The following MBOAT2 variants were observed in gnomAD, a reference collection of about 807,000 sequenced individuals.
The protein encoded by MBOAT2 is membrane-bound glycerophospholipid O-acyltransferase 2.
A neutral mutation model predicts 63.4 loss-of-function variants in MBOAT2; 28 were observed. That is an observed-to-expected ratio of 0.44 (90% CI 0.33 to 0.61). The LOEUF (loss-of-function observed/expected upper bound fraction) is 0.61. Among genes scored for constraint, MBOAT2 ranks in the 20% least tolerant of loss-of-function variants. MBOAT2 has a pLI of 0.03. For synonymous variants in MBOAT2, 211 were observed against 215.6 expected, an observed-to-expected ratio of 0.98 and a Z score of 0.19; for missense variants, 470 against 605.8, an observed-to-expected ratio of 0.78 and a Z score of 2.35.
intron 1 of MBOAT2, among the ~76,000 whole-genome samples, chr2:8,989,941 C>CA (rs1345727176): frequency 7.2e-5 from 11 of 152,206 alleles, no homozygotes; most frequent in African/African-American, 2.7e-4. Flanking sequence ...ACACTACACT[C>CA]TTGTGCACAC....
intron 1 of MBOAT2, among the ~76,000 whole-genome samples, chr2:8,983,900 AGAT>A (rs1212476934): frequency 6.6e-6 from 1 of 152,216 alleles, no homozygotes; most frequent in Non-Finnish European, 1.5e-5. Flanking sequence ...TTTCTGAAAA[AGAT>A]AATATAGGAA....
At chr2:8,993,433 G>A (rs1672050830) in intron 1 of MBOAT2, among the ~76,000 whole-genome samples, 1 of 152,240 alleles carries the variant, frequency 6.6e-6, no homozygotes, top group African/African-American at 2.4e-5. Flanking sequence ...CAGCTGCAGA[G>A]TGACCAGAAG....
At chr2:8,870,498 C>CA (rs1476958612) in intron 8 of MBOAT2, among the ~76,000 whole-genome samples, 2 of 152,052 alleles carry the variant, frequency 1.3e-5, no homozygotes, top group African/African-American at 4.8e-5. Flanking sequence ...TTGGACTTCC[C>CA]AAAAAACAGA....
At chr2:8,932,462 G>A (rs1439008364) in intron 3 of MBOAT2, among the ~76,000 whole-genome samples, 1 of 152,186 alleles carries the variant, frequency 6.6e-6, no homozygotes, top group East Asian at 1.9e-4. Context: ...AATGGTGCCT[G>A]CTACTCTTTG....
intron 5 of MBOAT2, 96 bp from the exon 6 acceptor site, chr2:8,882,661 CA>C: frequency 9.3e-7 from 1 of 1,076,666 alleles, no homozygotes; most frequent in Non-Finnish European, 1.4e-6. Context: ...ATTTGAAATT[CA>C]TGCTATTATA....
At chr2:8,906,575 C>T (rs958412984) in intron 4 of MBOAT2, among the ~76,000 whole-genome samples, 8 of 152,304 alleles carry the variant, frequency 5.3e-5, no homozygotes, top group South Asian at 4.1e-4. Context: ...ACTCTTATTA[C>T]GTTGAGCCAC....
chr2:8,987,026 A>G (rs1319608568), intron 1 of MBOAT2, among the ~76,000 whole-genome samples: 1 of 152,220 alleles, frequency 6.6e-6, no homozygotes, highest in Non-Finnish European at 1.5e-5. Context: ...CTTAACCTTA[A>G]GTAAAAACTA....
intron 7 of MBOAT2, among the ~76,000 whole-genome samples, chr2:8,875,604 T>C (rs1662647230): frequency 6.6e-6 from 1 of 152,356 alleles, no homozygotes; most frequent in African/African-American, 2.4e-5. Flanking sequence ...GCCGAAATGA[T>C]GAGCCAAACT....
At chr2:8,974,521 C>G in intron 1 of MBOAT2, 1 of 432,444 alleles carries the variant, frequency 2.3e-6, no homozygotes, top group South Asian at 1.6e-5. Flanking sequence ...ATTAACCAAT[C>G]CAGAAAGCAT....
chr2:8,898,207 T>C (rs1394181434), intron 4 of MBOAT2, among the ~76,000 whole-genome samples: 1 of 152,192 alleles, frequency 6.6e-6, no homozygotes, highest in Non-Finnish European at 1.5e-5. Context: ...GAGCTTGTAC[T>C]AGGGCCTGCT....
intron 4 of MBOAT2, among the ~76,000 whole-genome samples, chr2:8,895,638 C>T (rs1393700359): frequency 1.3e-5 from 2 of 152,222 alleles, no homozygotes; most frequent in Non-Finnish European, 2.9e-5. Flanking sequence ...CTCAATCCCC[C>T]CTCTAAACAG....
In MBOAT2 at chr2:8,992,568, T is replaced by C. The variant is rs192504630; in HGVS notation, c.75+10972A>G. Among the ~76,000 whole-genome samples, 585 of 151,572 alleles carry C rather than the reference T, an allele frequency of 3.9e-3. 2 individuals carry two copies. The highest frequency in any genetic ancestry group is 6.9e-3 in the Non-Finnish European group (465 of 67,428). ...TGTTTTGTTTGTACAAGCAGGGAGC[T>C]ATCTATTTTATTTTAACATATACCA... On this transcript the variant is annotated intron_variant, in intron 1 of 12. Coordinates refer to ENST00000305997, the MANE Select transcript of MBOAT2 (RefSeq NM_138799.4).
chr2:8,936,664 C>T (rs536548871), intron 3 of MBOAT2, among the ~76,000 whole-genome samples: 1 of 151,452 alleles, frequency 6.6e-6, no homozygotes, highest in South Asian at 2.1e-4. Flanking sequence ...TGCCTGTAAT[C>T]GCAGCTACTT....
intron 1 of MBOAT2, among the ~76,000 whole-genome samples, chr2:9,000,968 A>C (rs893844197): frequency 1.3e-5 from 2 of 152,078 alleles, no homozygotes; most frequent in African/African-American, 4.8e-5. Context: ...TTTCTATTAA[A>C]ATTTTTTTAA....
In MBOAT2 at chr2:8,855,262, T is replaced by G. The variant is rs1033045125; in HGVS notation, c.*3417A>C. The G allele has an allele frequency of 6.6e-6, 1 of 152,220 alleles. No individual in the cohort carries two copies. The highest frequency in any genetic ancestry group is 6.5e-5 in the Admixed American group (1 of 15,274). 9.4% of individuals were successfully genotyped at this position (152,220 alleles called of 1,614,324 possible). Reference sequence around the variant, plus strand: ...AATGGCTCCGTTCACGACACCCAACTGGTCCTGAACTCTTAGGATTAACCC... The same window carrying G: ...AATGGCTCCGTTCACGACACCCAACGGGTCCTGAACTCTTAGGATTAACCC... On this transcript the variant is annotated 3_prime_UTR_variant, in exon 13 of 13. Coordinates refer to ENST00000305997, the MANE Select transcript of MBOAT2 (RefSeq NM_138799.4).
intron 3 of MBOAT2, among the ~76,000 whole-genome samples, chr2:8,927,842 T>G (rs985167477): frequency 6.6e-6 from 1 of 152,208 alleles, no homozygotes; most frequent in South Asian, 2.1e-4. Flanking sequence ...GATCAGGCTT[T>G]TCTCATGCTG....
intron 1 of MBOAT2, among the ~76,000 whole-genome samples, chr2:8,996,423 G>T (rs1672310709): frequency 6.6e-6 from 1 of 152,186 alleles, no homozygotes; most frequent in Non-Finnish European, 1.5e-5. Context: ...GTCCTGGATT[G>T]TATTTAAATG....
chr2:8,952,400 G>C (rs1288781618), intron 2 of MBOAT2, among the ~76,000 whole-genome samples: 1 of 152,218 alleles, frequency 6.6e-6, no homozygotes, highest in Non-Finnish European at 1.5e-5. Context: ...TTCTGTGGCT[G>C]ATGGGTGGAG....
At position 8,904,321 on chromosome 2, in the gene MBOAT2, T is replaced by A. The variant is rs950399488; in HGVS notation, c.395+4300A>T. Among the ~76,000 whole-genome samples the A allele has an allele frequency of 2.2e-4, 34 of 151,752 alleles. 1 individual carries two copies. Among genetic ancestry groups the A allele is most frequent in the African/African-American group, 5.3e-4 (22 of 41,364 alleles). ...GAAGGTTGTTTTTATTTTTTATTTT[T>A]TTTTTTTTGAGATAGGATCTTGCTG... is the stretch of plus-strand genomic sequence containing the variant. On this transcript the variant is annotated intron_variant, in intron 4 of 12. Transcript: ENST00000305997.
Sources: allele counts gnomAD v4.1 joint callset (sites outside exome capture counted in the v4.1 genomes callset), GRCh38; gene constraint gnomAD v4.1.1; transcripts MANE v1.5; gene names NCBI Gene and HGNC (gene_info 2026-07-23, HGNC 2026-07-21).